The following CACNG6 variants were observed in gnomAD, a reference collection of about 807,000 sequenced individuals.
CACNG6 encodes voltage-dependent calcium channel gamma-6 subunit.
Under a neutral mutation model 23.9 loss-of-function variants are expected in CACNG6, and 21 were observed. That is an observed-to-expected ratio of 0.88 (90% CI 0.62 to 1.26). The LOEUF is 1.26. Ranked by LOEUF, CACNG6 falls within the 50% of genes most tolerant of loss-of-function variation. The probability of loss-of-function intolerance (pLI) is 0.00; values close to 1 mark genes in which losing one functional copy is unlikely to be tolerated. For synonymous variants in CACNG6, 182 were observed against 168.9 expected, an observed-to-expected ratio of 1.08 and a Z score of -0.60; for missense variants, 340 against 352.9, an observed-to-expected ratio of 0.96 and a Z score of 0.29.
Position 53,993,793 on chromosome 19 carries a change from C to G in CACNG6, c.331+585C>G, listed in dbSNP as rs537373096. ...TGTGCCCTCAGATCAGCCTGCACCTCCACACCAGGCTATGGTCCCAGATGA... is the reference window on the plus strand; with the variant it reads ...TGTGCCCTCAGATCAGCCTGCACCTGCACACCAGGCTATGGTCCCAGATGA... On this transcript the variant is annotated intron_variant, in intron 1 of 3. Transcript: ENST00000252729. Among the ~76,000 whole-genome samples the G allele has an allele frequency of 1.5e-4, 23 of 151,550 alleles. 1 individual carries two copies. The South Asian group carries it at 4.4e-3, about 29-fold the overall frequency.
intron 3 of CACNG6, among the ~76,000 whole-genome samples, chr19:54,002,704 TAA>T (rs1004631949): frequency 1.3e-5 from 2 of 152,162 alleles, no homozygotes; most frequent in African/African-American, 4.8e-5. Context: ...ACTGTTGATA[TAA>T]AAGTGTTTTA....
intron 1 of CACNG6, among the ~76,000 whole-genome samples, chr19:53,995,233 C>T (rs971009611): frequency 3.2e-4 from 49 of 152,084 alleles, no homozygotes; most frequent in African/African-American, 9.9e-4. Flanking sequence ...CCCATCTCAC[C>T]GCATTGTATG....
chr19:54,005,263 A>AAGAG (rs74177838), intron 3 of CACNG6, among the ~76,000 whole-genome samples: 63,782 of 147,008 alleles, frequency 0.43, 14,049 homozygotes, highest in African/African-American at 0.48. Context: ...TAATAAAAGA[A>AAGAG]AGAGCACGTG....
intron 3 of CACNG6, among the ~76,000 whole-genome samples, chr19:54,009,970 C>T (rs779882165): frequency 6.7e-6 from 1 of 150,348 alleles, no homozygotes; most frequent in Non-Finnish European, 1.5e-5. Context: ...ATGACTTTAT[C>T]TTTATTTTGT....
At chr19:54,006,517 C>CTTTTTTT (rs1236056716) in intron 3 of CACNG6, among the ~76,000 whole-genome samples, 43 of 107,314 alleles carry the variant, frequency 4.0e-4, no homozygotes, top group African/African-American at 7.5e-4. Flanking sequence ...TTCCTTCTTT[C>CTTTTTTT]TTTTCTTTTT....
At chr19:54,006,119 T>TAAATAAATAAATAAATAAATAAAA (rs1334248469) in intron 3 of CACNG6, among the ~76,000 whole-genome samples, 9 of 145,148 alleles carry the variant, frequency 6.2e-5, no homozygotes, top group Non-Finnish European at 4.7e-5. Flanking sequence ...AATAAATAAA[T>TAAATAAATAAATAAATAAATAAAA]AAAATAAGAA....
chr19:54,002,728 A>C (rs2069593798), intron 3 of CACNG6, among the ~76,000 whole-genome samples: 1 of 152,156 alleles, frequency 6.6e-6, no homozygotes, highest in Non-Finnish European at 1.5e-5. Flanking sequence ...GAAAGTCTTG[A>C]GCACAAAAAT....
At chr19:53,995,987 C>T (rs1384960123) in intron 1 of CACNG6, among the ~76,000 whole-genome samples, 1 of 152,182 alleles carries the variant, frequency 6.6e-6, no homozygotes, top group Non-Finnish European at 1.5e-5. Flanking sequence ...CTTGCTGCTG[C>T]ATAAGAACTC....
chr19:54,011,220 A>G (rs1239433803), intron 3 of CACNG6, among the ~76,000 whole-genome samples: 1 of 118,054 alleles, frequency 8.5e-6, no homozygotes, highest in Non-Finnish European at 1.7e-5. Flanking sequence ...ATATATATAT[A>G]TATATATACA....
intron 3 of CACNG6, among the ~76,000 whole-genome samples, chr19:54,008,819 G>C (rs945168454): frequency 6.6e-6 from 1 of 152,132 alleles, no homozygotes; most frequent in Non-Finnish European, 1.5e-5. Flanking sequence ...TTCCTTTCAT[G>C]CATCACCCTC....
chr19:54,011,718 G>A (rs1332462884), intron 3 of CACNG6, among the ~76,000 whole-genome samples: 2 of 150,788 alleles, frequency 1.3e-5, no homozygotes, highest in Non-Finnish European at 2.9e-5. Context: ...TCCGGCCCTC[G>A]GCAACCATCC....
intron 3 of CACNG6, among the ~76,000 whole-genome samples, chr19:54,005,266 A>C (rs1320391250): frequency 6.8e-6 from 1 of 146,116 alleles, no homozygotes; most frequent in Admixed American, 6.9e-5. Context: ...TAAAAGAAAG[A>C]GCACGTGAGA....
intron 3 of CACNG6, among the ~76,000 whole-genome samples, chr19:54,011,223 T>TACACAC (rs1156440499): frequency 4.6e-4 from 50 of 108,658 alleles, no homozygotes; most frequent in East Asian, 1.4e-3. Context: ...TATATATATA[T>TACACAC]ATATACACAC....
chr19:54,004,200 G>A (rs1320988353), intron 3 of CACNG6, among the ~76,000 whole-genome samples: 1 of 151,556 alleles, frequency 6.6e-6, no homozygotes, highest in African/African-American at 2.4e-5. Context: ...CGCTCTTGTT[G>A]CCCAGGCTGG....
At position 53,992,280 on chromosome 19, in the gene CACNG6, G is replaced by A. The variant is rs1291531567; in HGVS notation, c.-598G>A. 6.6e-6 allele frequency: 1 copy of A among 152,134 alleles called. No homozygotes were observed. The highest frequency in any genetic ancestry group is 2.4e-5 in the African/African-American group (1 of 41,412). The allele number at this position is 152,134 out of a possible 1,614,324, so 9.4% of individuals were successfully genotyped here. A position where few individuals can be genotyped will look rare whatever the true frequency, so the allele number is the denominator to read the frequency against. ...CCAGGTCTTCCTTTTCCGAATCCCA[G>A]AGGGTCCCCAAGTCCTCTGTTCTCA... On this transcript the variant is annotated 5_prime_UTR_variant, in exon 1 of 4. Coordinates refer to ENST00000252729, the MANE Select transcript of CACNG6 (RefSeq NM_145814.2). This position sits in a 1 kb window ranked among gnomAD's most constrained non-coding sequence, Gnocchi z 4.1.
chr19:53,996,416 G>A (rs899474510), intron 1 of CACNG6, among the ~76,000 whole-genome samples: 114 of 126,136 alleles, frequency 9.0e-4, no homozygotes, highest in African/African-American at 3.3e-3. Context: ...TTTTTGAGAT[G>A]TAGTCTTGCT....
At chr19:54,003,649 C>T (rs1322827127) in intron 3 of CACNG6, among the ~76,000 whole-genome samples, 1 of 152,118 alleles carries the variant, frequency 6.6e-6, no homozygotes, top group Admixed American at 6.6e-5. Context: ...GCATGAGCCA[C>T]CCTGCCTAGC....
intron 3 of CACNG6, among the ~76,000 whole-genome samples, chr19:54,010,880 C>T (rs751176708): frequency 6.6e-6 from 1 of 152,032 alleles, no homozygotes; most frequent in Non-Finnish European, 1.5e-5. Context: ...AGCACCCAGC[C>T]TCCTCTTTTA....
chr19:53,993,265 G>A, intron 1 of CACNG6, 57 bp downstream of exon 1: 1 of 1,479,396 alleles, frequency 6.8e-7, no homozygotes, highest in Non-Finnish European at 9.0e-7. Flanking sequence ...GGAGGGAGAG[G>A]GGCCCGTGTC....
Sources: gnomAD v4.1 joint callset for allele counts (sites outside exome capture counted in the v4.1 genomes callset) on GRCh38, gnomAD v4.1.1 for gene constraint, Gnocchi (gnomAD v3.1) non-coding constraint, MANE v1.5 for transcripts, NCBI Gene and HGNC (gene_info 2026-07-23, HGNC 2026-07-21) for gene names.